WWP2: variants seen among roughly 807,000 people sequenced by gnomAD.
The protein encoded by WWP2 is WW domain containing E3 ubiquitin protein ligase 2, also known as NEDD4-like E3 ubiquitin-protein ligase WWP2.
A neutral mutation model predicts 121.0 loss-of-function variants in WWP2; 57 were observed. The ratio of observed to expected loss-of-function variants is 0.47; its 90% CI spans 0.38 to 0.59. WWP2 has a LOEUF of 0.59. Ranked by LOEUF, WWP2 falls within the 20% of genes least tolerant of loss-of-function variation. WWP2 has a pLI of 0.00. For missense variants in WWP2, 962 were observed against 1,158.9 expected, an observed-to-expected ratio of 0.83 and a Z score of 2.47; for synonymous variants, 449 against 441.3, an observed-to-expected ratio of 1.02 and a Z score of -0.22.
At chr16:69,847,304 C>G (rs990302674) in intron 6 of WWP2, among the ~76,000 whole-genome samples, 1 of 151,964 alleles carries the variant, frequency 6.6e-6, no homozygotes, top group African/African-American at 2.4e-5. Flanking sequence ...AGGCTGGTCT[C>G]AAACTCCTGA....
intron 9 of WWP2, among the ~76,000 whole-genome samples, chr16:69,915,741 A>G (rs1040938437): frequency 5.3e-5 from 8 of 152,092 alleles, no homozygotes; most frequent in African/African-American, 1.9e-4. Flanking sequence ...AACTATATAC[A>G]TATGACTTCG....
chr16:69,773,218 G>T (rs1291286730), intron 1 of WWP2, among the ~76,000 whole-genome samples: 3 of 150,848 alleles, frequency 2.0e-5, no homozygotes, highest in African/African-American at 7.3e-5. Flanking sequence ...TCATGCTGTC[G>T]CTCAGGCTGG....
In WWP2 at chr16:69,866,868, C is replaced by T. The variant is rs369735456; in HGVS notation, c.576-4936C>T. ...TTTATTTATTTTTGAGACGGAGTCT[C>T]GCTCTGTCGCCCAGGCTGGAATGCA... On this transcript the variant is annotated intron_variant, in intron 6 of 23. Transcript: ENST00000359154. Among the ~76,000 whole-genome samples the T allele has an allele frequency of 4.0e-5, 6 of 151,868 alleles. No homozygotes were observed. In the East Asian group the frequency reaches 5.8e-4, roughly 15 times the overall value.
chr16:69,875,888 C>T (rs2057726579), intron 7 of WWP2, among the ~76,000 whole-genome samples: 1 of 152,140 alleles, frequency 6.6e-6, no homozygotes, highest in African/African-American at 2.4e-5. Context: ...TGACCTCCTC[C>T]CATGAATCAC....
intron 1 of WWP2, among the ~76,000 whole-genome samples, chr16:69,765,136 G>T (rs1042788999): frequency 2.6e-5 from 4 of 152,108 alleles, no homozygotes; most frequent in African/African-American, 9.7e-5. Flanking sequence ...GGTGGAGGCT[G>T]CAGTGAGTTG....
chr16:69,912,859 A>G (rs2151966113), intron 9 of WWP2, among the ~76,000 whole-genome samples: 1 of 138,548 alleles, frequency 7.2e-6, no homozygotes, highest in Admixed American at 7.7e-5. Context: ...AGGTGGGAGG[A>G]TCGCTTGAGT....
intron 4 of WWP2, among the ~76,000 whole-genome samples, chr16:69,839,245 T>TC (rs1404316806): frequency 1.3e-5 from 2 of 152,298 alleles, no homozygotes; most frequent in Admixed American, 1.3e-4. Flanking sequence ...AAAGGCTGAT[T>TC]CCCTCTTGGT....
At chr16:69,793,358 T>A (rs1056249211) in intron 2 of WWP2, among the ~76,000 whole-genome samples, 60 of 152,000 alleles carry the variant, frequency 3.9e-4, no homozygotes, top group African/African-American at 1.2e-3. Context: ...TCTAAAAAAA[T>A]AATAATAATA....
Position 69,939,122 on chromosome 16 carries a change from C to A in WWP2, c.2439C>A (p.Ile813=), listed in dbSNP as rs779871851. ...CCGTCGGGGGATTTGCCGAACTCAT[C>A]GGTATGTTTTCTCTCGCCCTCTGGC... The part of the protein sequence containing the change: ...RLPVGGFAEL[I]GSNGPQKFCI... Residue 813 remains isoleucine, a splice_region_variant and synonymous_variant, in exon 22 of 24, where the codon ATC becomes ATA. Coordinates refer to ENST00000359154, the MANE Select transcript of WWP2 (RefSeq NM_001270454.2). The A allele has an allele frequency of 1.9e-6, 3 of 1,597,702 alleles. No individual in the cohort carries two copies. Among genetic ancestry groups the A allele is most frequent in the East Asian group, 2.3e-5 (1 of 44,142 alleles).
At chr16:69,889,010 T>C (rs1597114407) in intron 8 of WWP2, among the ~76,000 whole-genome samples, 2 of 152,344 alleles carry the variant, frequency 1.3e-5, no homozygotes, top group Admixed American at 1.3e-4. Flanking sequence ...CCGGCCCTCT[T>C]GCCATCCTTT....
chr16:69,790,326 C>G, intron 2 of WWP2, among the ~76,000 whole-genome samples: 1 of 152,006 alleles, frequency 6.6e-6, no homozygotes, highest in Middle Eastern at 3.4e-3. Context: ...TGTATTTTTA[C>G]AATAAAATAA....
chr16:69,764,381 A>C (rs2038683426), intron 1 of WWP2, among the ~76,000 whole-genome samples: 1 of 152,062 alleles, frequency 6.6e-6, no homozygotes, highest in Admixed American at 6.6e-5. Context: ...TTGTAGAGAC[A>C]GGGGTTTTGC....
At chr16:69,892,941 G>T (rs1324483846) in intron 8 of WWP2, among the ~76,000 whole-genome samples, 3 of 152,164 alleles carry the variant, frequency 2.0e-5, no homozygotes, top group Non-Finnish European at 2.9e-5. Flanking sequence ...CCTTAATAAG[G>T]CCTAAAAAGG....
chr16:69,937,536 G>A lies in WWP2; in HGVS notation c.2239-12G>A, dbSNP rs755471485. ...GGACCTGCCGGGGATGCTGACTGCC[G>A]CCTCTCCCCAGCTGATGCTGTGCGG... On this transcript the variant is annotated splice_polypyrimidine_tract_variant and intron_variant, in intron 20 of 23. Transcript: ENST00000359154. This position sits in a 1 kb window ranked among gnomAD's most constrained non-coding sequence, Gnocchi z 6.6. The A allele has an allele frequency of 4.6e-5, 75 of 1,613,564 alleles. No homozygotes were observed. The Middle Eastern group carries it at 4.9e-4, about 11-fold the overall frequency.
At chr16:69,919,788 T>C (rs1567432588) in intron 10 of WWP2, among the ~76,000 whole-genome samples, 3 of 113,730 alleles carry the variant, frequency 2.6e-5, no homozygotes, top group South Asian at 2.5e-4. Flanking sequence ...GGTCCCTGAC[T>C]TTTTTTTTTT....
At chr16:69,931,045 C>G in intron 13 of WWP2, 107 bp from the exon 14 acceptor site, 2 of 1,060,742 alleles carry the variant, frequency 1.9e-6, no homozygotes, top group Non-Finnish European at 2.8e-6. Context: ...CCTTACATTA[C>G]TAATCTTTAA....
At chr16:69,854,086 G>T (rs903300909) in intron 6 of WWP2, among the ~76,000 whole-genome samples, 14 of 152,226 alleles carry the variant, frequency 9.2e-5, no homozygotes, top group African/African-American at 3.4e-4. Context: ...TTCAGGGCAC[G>T]TGAGTGCTAG....
chr16:69,899,532 C>A (rs903021318), intron 8 of WWP2, among the ~76,000 whole-genome samples: 2 of 151,998 alleles, frequency 1.3e-5, no homozygotes, highest in African/African-American at 2.4e-5. Context: ...GAGTTCAAGA[C>A]CAGCCTAGCC....
intron 2 of WWP2, among the ~76,000 whole-genome samples, chr16:69,788,865 T>C (rs987674801): frequency 3.3e-5 from 5 of 152,096 alleles, no homozygotes; most frequent in African/African-American, 7.2e-5. Flanking sequence ...CGAAAGAATA[T>C]TGCTTCGGGT....
Sources: gnomAD v4.1 joint callset for allele counts (sites outside exome capture counted in the v4.1 genomes callset) on GRCh38, gnomAD v4.1.1 for gene constraint, Gnocchi (gnomAD v3.1) non-coding constraint, MANE v1.5 for transcripts, NCBI Gene and HGNC (gene_info 2026-07-23, HGNC 2026-07-21) for gene names.